DENND1B: variants seen among roughly 807,000 people sequenced by gnomAD.
DENND1B encodes the protein DENN domain-containing protein 1B.
DENND1B carries 59 observed loss-of-function variants against 90.1 expected under a neutral mutation model. That is an observed-to-expected ratio of 0.65 (90% confidence interval 0.53 to 0.81). The LOEUF is 0.81. DENND1B is among the 40% of genes least tolerant of loss of function. The probability of loss-of-function intolerance (pLI) is 0.00; values close to 1 mark genes in which losing one functional copy is unlikely to be tolerated. For synonymous variants in DENND1B, 337 were observed against 324.6 expected, an observed-to-expected ratio of 1.04 and a Z score of -0.41; for missense variants, 862 against 912.6, an observed-to-expected ratio of 0.94 and a Z score of 0.71.
At chr1:197,591,683 T>C (rs1173165790) in intron 14 of DENND1B, among the ~76,000 whole-genome samples, 5 of 152,228 alleles carry the variant, frequency 3.3e-5, no homozygotes, top group African/African-American at 9.6e-5. Context: ...CATTATGAGA[T>C]GCCTATACCA....
intron 3 of DENND1B, among the ~76,000 whole-genome samples, chr1:197,699,015 T>C (rs1253470022): frequency 1.3e-5 from 2 of 152,162 alleles, no homozygotes; most frequent in Non-Finnish European, 2.9e-5. Flanking sequence ...CTTCTGAAAC[T>C]ATTTCAAATA....
At chr1:197,636,513 C>T (rs909928546) in intron 10 of DENND1B, among the ~76,000 whole-genome samples, 2 of 152,108 alleles carry the variant, frequency 1.3e-5, no homozygotes, top group African/African-American at 4.8e-5. Context: ...GTACTATGGC[C>T]TTGATCAACT....
intron 16 of DENND1B, among the ~76,000 whole-genome samples, chr1:197,549,947 T>C (rs1671092231): frequency 6.6e-6 from 1 of 152,148 alleles, no homozygotes; most frequent in South Asian, 2.1e-4. Flanking sequence ...CTGCACTGTA[T>C]ATTTTTAATC....
intron 7 of DENND1B, 117 bp from the exon 8 acceptor site, chr1:197,647,231 T>C (rs1680801781): frequency 4.0e-6 from 2 of 498,262 alleles, no homozygotes; most frequent in East Asian, 3.6e-5. Context: ...TAAAAAATAC[T>C]TGAATAATAC....
intron 11 of DENND1B, among the ~76,000 whole-genome samples, chr1:197,615,790 A>C (rs1677593507): frequency 6.6e-6 from 1 of 151,004 alleles, no homozygotes. Flanking sequence ...AGTTTCAGAT[A>C]ACTTCTTGTT....
intron 3 of DENND1B, among the ~76,000 whole-genome samples, chr1:197,698,240 T>C (rs957814848): frequency 9.9e-5 from 15 of 152,066 alleles, no homozygotes; most frequent in Non-Finnish European, 1.8e-4. Flanking sequence ...GCAATCAAAT[T>C]AGAACTCAAG....
Position 197,645,734 on chromosome 1 carries a change from A to G in DENND1B, c.517T>C (p.Phe173Leu), listed in dbSNP as rs753916777. Residue 173 changes from phenylalanine to leucine, a missense_variant, in exon 9 of 23, where the codon TTC (phenylalanine) becomes CTC (leucine). Coordinates refer to ENST00000620048, the MANE Select transcript of DENND1B (RefSeq NM_001195215.2). ...AGTCCAGTTACATCAGGGGCAATGAAGTAGGAATGCTAATCAATACAAATA... is the reference window on the plus strand; with the variant it reads ...AGTCCAGTTACATCAGGGGCAATGAGGTAGGAATGCTAATCAATACAAATA... ...DQPALVPHSY[F>L]IAPDVTGLPT... The G allele has an allele frequency of 6.4e-7, 1 of 1,572,366 alleles. No individual in the cohort carries two copies. Among genetic ancestry groups the G allele is most frequent in the East Asian group, 2.3e-5 (1 of 43,400 alleles).
intron 5 of DENND1B, among the ~76,000 whole-genome samples, chr1:197,666,204 T>C (rs1654922914): frequency 6.6e-6 from 1 of 152,360 alleles, no homozygotes; most frequent in Middle Eastern, 3.4e-3. Context: ...AGATTAAGCA[T>C]GTGTAAACAT....
chr1:197,578,820 C>T (rs113225064), intron 15 of DENND1B, among the ~76,000 whole-genome samples: 4 of 152,088 alleles, frequency 2.6e-5, no homozygotes, highest in East Asian at 1.9e-4. Context: ...CACATGTACC[C>T]TAAAACTTAA....
Position 197,640,481 on chromosome 1 carries a change from A to C in DENND1B, c.672+2230T>G, listed in dbSNP as rs187991624. ...AAGTGAGACTCTGTCTCAAAAAAAA[A>C]AAAAAATTAAATATAAACTATTATA... On this transcript the variant is annotated intron_variant, in intron 10 of 22. Coordinates refer to ENST00000620048, the MANE Select transcript of DENND1B (RefSeq NM_001195215.2). 8.4e-3 allele frequency among the ~76,000 whole-genome samples: 1,270 copies of C among 151,962 alleles called. 19 individuals are homozygous for C. Among genetic ancestry groups the C allele is most frequent in the African/African-American group, 0.028 (1,166 of 41,488 alleles).
chr1:197,752,728 G>C (rs372230229), intron 2 of DENND1B, among the ~76,000 whole-genome samples: 1 of 151,478 alleles, frequency 6.6e-6, no homozygotes, highest in African/African-American at 2.4e-5. Flanking sequence ...GTGCCATATT[G>C]GTGTGCTGCA....
chr1:197,624,777 T>A (rs1355053819), intron 10 of DENND1B, among the ~76,000 whole-genome samples: 1 of 151,878 alleles, frequency 6.6e-6, no homozygotes, highest in East Asian at 1.9e-4. Context: ...GAAAAAATTT[T>A]AGACGAATGT....
rs544299528 is a variant in DENND1B, at chr1:197,661,875, C to T, written c.297-3506G>A. On this transcript the variant is annotated intron_variant, in intron 5 of 22. Coordinates refer to ENST00000620048, the MANE Select transcript of DENND1B (RefSeq NM_001195215.2). ...CAGAATCAGATTTTTCATTAAGAAG[C>T]TAATTTATACAGATAAATATAATTT... Among the ~76,000 whole-genome samples the T allele has an allele frequency of 4.6e-5, 7 of 151,966 alleles. No homozygotes were observed. The East Asian group carries it at 1.4e-3, about 29-fold the overall frequency.
chr1:197,524,824 C>T (rs924826200), intron 20 of DENND1B, among the ~76,000 whole-genome samples: 2 of 152,084 alleles, frequency 1.3e-5, no homozygotes, highest in African/African-American at 4.8e-5. Flanking sequence ...CTTATTAATG[C>T]TAAGTTGGGG....
intron 5 of DENND1B, among the ~76,000 whole-genome samples, chr1:197,665,271 G>T (rs926650039): frequency 6.6e-6 from 1 of 152,034 alleles, no homozygotes; most frequent in Non-Finnish European, 1.5e-5. Flanking sequence ...ATGGACACGT[G>T]GTTTATATAG....
intron 16 of DENND1B, among the ~76,000 whole-genome samples, chr1:197,547,077 T>G (rs943049680): frequency 6.6e-6 from 1 of 152,156 alleles, no homozygotes; most frequent in African/African-American, 2.4e-5. Flanking sequence ...AAATACTCCC[T>G]AAGTCGCAGG....
intron 13 of DENND1B, among the ~76,000 whole-genome samples, chr1:197,603,117 A>G (rs1676354097): frequency 1.3e-5 from 2 of 151,374 alleles, no homozygotes. Context: ...AGTGTACCAT[A>G]TTTTCTATAC....
chr1:197,652,353 A>G, intron 6 of DENND1B, 38 bp from the exon 7 acceptor site: 1 of 1,528,676 alleles, frequency 6.5e-7, no homozygotes, highest in Non-Finnish European at 8.9e-7. Flanking sequence ...TAAATAAAAC[A>G]TATACCAAGC....
At chr1:197,739,681 G>A (rs1663031679) in intron 2 of DENND1B, among the ~76,000 whole-genome samples, 1 of 151,862 alleles carries the variant, frequency 6.6e-6, no homozygotes, top group African/African-American at 2.4e-5. Context: ...AATACAGATG[G>A]GAGAAAAAAA....
Sources: gnomAD v4.1 joint callset for allele counts (sites outside exome capture counted in the v4.1 genomes callset) on GRCh38, gnomAD v4.1.1 for gene constraint, MANE v1.5 for transcripts, NCBI Gene and HGNC (gene_info 2026-07-23, HGNC 2026-07-21) for gene names.